Variants in PVT1 observed in about 807,000 individuals in gnomAD.
PVT1 encodes the protein Pvt1 oncogene, also known as CXCR4/PVT1 fusion.
chr8:128,000,567 C>A (rs1428505414), intron 4 of PVT1, among the ~76,000 whole-genome samples: 1 of 152,238 alleles, frequency 6.6e-6, no homozygotes, highest in Non-Finnish European at 1.5e-5. Flanking sequence ...TGAAAGTCTG[C>A]AGGCCCAGAA....
chr8:127,833,531 G>T (rs538465939), intron 2 of PVT1, among the ~76,000 whole-genome samples: 30 of 151,910 alleles, frequency 2.0e-4, no homozygotes, highest in African/African-American at 5.3e-4. Flanking sequence ...CAATCTCACT[G>T]CAACCTCAGC....
At chr8:128,021,676 T>C (rs891721102) in intron 4 of PVT1, among the ~76,000 whole-genome samples, 1 of 152,188 alleles carries the variant, frequency 6.6e-6, no homozygotes, top group Non-Finnish European at 1.5e-5. Flanking sequence ...AAAATACTCC[T>C]GGGATTTTTC....
intron 5 of PVT1, among the ~76,000 whole-genome samples, chr8:128,072,807 C>CTTTTA (rs776989683): frequency 2.8e-4 from 43 of 151,978 alleles, no homozygotes; most frequent in African/African-American, 8.7e-4. Flanking sequence ...CACTTGAGCA[C>CTTTTA]TTTTATTTTA....
At chr8:127,921,792 G>A (rs1816061346) in intron 3 of PVT1, among the ~76,000 whole-genome samples, 1 of 145,710 alleles carries the variant, frequency 6.9e-6, no homozygotes. Flanking sequence ...CAGCCTGGGT[G>A]AGACTGCGAG....
chr8:128,046,473 T>C (rs570894598), intron 4 of PVT1, among the ~76,000 whole-genome samples: 1 of 152,372 alleles, frequency 6.6e-6, no homozygotes, highest in South Asian at 2.1e-4. Context: ...CCTTGTGGAA[T>C]GTTCTTAGAA....
At chr8:128,029,747 C>T (rs963387674) in intron 4 of PVT1, among the ~76,000 whole-genome samples, 1 of 152,060 alleles carries the variant, frequency 6.6e-6, no homozygotes, top group Non-Finnish European at 1.5e-5. Context: ...TGCAGTGAGC[C>T]GAGATCGCGC....
rs948635268 is a variant in PVT1, at chr8:127,898,908, C to G, written n.782+7910C>G. On this transcript the variant is annotated intron_variant and non_coding_transcript_variant, in intron 3 of 10. Coordinates refer to ENST00000651587, the Ensembl canonical transcript of PVT1. The surrounding 1 kb of genome is among the most constrained non-coding windows in gnomAD (Gnocchi z 4.4). ...ACTGGACAGAAAGAGTGTGTCCCAC[C>G]TGATTACTGGGAAGTGCAATGGACA... Among the ~76,000 whole-genome samples, 2 of 152,110 alleles carry G rather than the reference C, an allele frequency of 1.3e-5. No individual in the cohort carries two copies. The highest frequency in any genetic ancestry group is 1.5e-5 in the Non-Finnish European group (1 of 68,014).
intron 2 of PVT1, among the ~76,000 whole-genome samples, chr8:127,828,947 C>T (rs2129693836): frequency 6.6e-6 from 1 of 152,162 alleles, no homozygotes; most frequent in South Asian, 2.1e-4. Context: ...CTGAGACAAG[C>T]ATAATAATAA....
At chr8:128,001,484 C>G (rs1009277232) in intron 4 of PVT1, among the ~76,000 whole-genome samples, 3 of 152,056 alleles carry the variant, frequency 2.0e-5, no homozygotes, top group Non-Finnish European at 4.4e-5. Flanking sequence ...CCCAAGGGTC[C>G]CAGAAGGCAG....
intron 3 of PVT1, among the ~76,000 whole-genome samples, chr8:127,909,725 G>T (rs112940919): frequency 1.3e-5 from 2 of 152,102 alleles, no homozygotes; most frequent in Non-Finnish European, 1.5e-5. Flanking sequence ...GGGTGTAGGG[G>T]TCCCCAGAAT....
At chr8:127,979,858 A>T (rs1353838367) in intron 3 of PVT1, among the ~76,000 whole-genome samples, 1 of 145,174 alleles carries the variant, frequency 6.9e-6, no homozygotes, top group Non-Finnish European at 1.6e-5. Flanking sequence ...ATGGAGAAAC[A>T]TCTGCTTTGT....
intron 4 of PVT1, among the ~76,000 whole-genome samples, chr8:128,000,671 C>G (rs1396513052): frequency 6.6e-6 from 1 of 152,210 alleles, no homozygotes; most frequent in African/African-American, 2.4e-5. Context: ...GACAGTGTCA[C>G]CGTAGCAATA....
exon 3 of PVT1, chr8:127,890,622 A>G (rs1815589030): frequency 6.6e-6 from 1 of 152,276 alleles, no homozygotes; most frequent in South Asian, 2.1e-4. Flanking sequence ...GATTAAAAAG[A>G]TGCCCCTCAA....
chr8:128,001,579 G>A (rs1817177634), intron 4 of PVT1, among the ~76,000 whole-genome samples: 1 of 152,178 alleles, frequency 6.6e-6, no homozygotes, highest in Non-Finnish European at 1.5e-5. Flanking sequence ...TTGACCTTGA[G>A]CCACTCACAG....
intron 2 of PVT1, among the ~76,000 whole-genome samples, chr8:127,876,209 C>T (rs1815403224): frequency 6.6e-6 from 1 of 151,862 alleles, no homozygotes; most frequent in South Asian, 2.1e-4. Flanking sequence ...ACCATGGAGA[C>T]ACCTGGAAAA....
At chr8:128,094,973 A>G (rs769085959) in intron 5 of PVT1, among the ~76,000 whole-genome samples, 1 of 152,190 alleles carries the variant, frequency 6.6e-6, no homozygotes. Flanking sequence ...CCAGCCCTGC[A>G]TGACCAGCCC....
chr8:128,053,390 T>C (rs1011912202), intron 4 of PVT1, among the ~76,000 whole-genome samples: 10 of 148,866 alleles, frequency 6.7e-5, no homozygotes, highest in Non-Finnish European at 1.2e-4. Flanking sequence ...CACACACACA[T>C]ATATATGTAT....
intron 3 of PVT1, among the ~76,000 whole-genome samples, chr8:127,962,200 C>A (rs1222879011): frequency 6.6e-6 from 1 of 151,748 alleles, no homozygotes. Context: ...CTCTTGATCT[C>A]GTGATCCACC....
intron 2 of PVT1, among the ~76,000 whole-genome samples, chr8:127,822,396 G>A (rs186145119): frequency 6.6e-6 from 1 of 152,192 alleles, no homozygotes; most frequent in Non-Finnish European, 1.5e-5. Context: ...GGCCAGCATG[G>A]TGAAATCCCA....
Sources: allele counts gnomAD v4.1 joint callset (sites outside exome capture counted in the v4.1 genomes callset), GRCh38; gene constraint gnomAD v4.1.1; non-coding constraint Gnocchi (gnomAD v3.1); transcripts MANE v1.5; gene names NCBI Gene and HGNC (gene_info 2026-07-23, HGNC 2026-07-21).